Variants in TMEM178B observed in about 807,000 individuals in gnomAD.
The protein encoded by TMEM178B is transmembrane protein 178B.
Under a neutral mutation model 31.0 loss-of-function variants are expected in TMEM178B, and 5 were observed. The observed-to-expected ratio is 0.16, with a 90% confidence interval of 0.08 to 0.34. The LOEUF is 0.34. TMEM178B is among the 10% of genes least tolerant of loss of function. The probability of loss-of-function intolerance (pLI) is 1.00; values close to 1 mark genes in which losing one functional copy is unlikely to be tolerated. For missense variants in TMEM178B, 275 were observed against 400.3 expected, an observed-to-expected ratio of 0.69 and a Z score of 2.67; for synonymous variants, 164 against 164.0, an observed-to-expected ratio of 1.00 and a Z score of 0.00.
chr7:141,409,996 G>A (rs994840215), intron 2 of TMEM178B, among the ~76,000 whole-genome samples: 5 of 152,128 alleles, frequency 3.3e-5, no homozygotes, highest in Admixed American at 1.3e-4. Flanking sequence ...TCTTTGCTTA[G>A]CCCTGGGCTC....
chr7:141,338,880 C>T (rs1412640766), intron 2 of TMEM178B, among the ~76,000 whole-genome samples: 1 of 152,224 alleles, frequency 6.6e-6, no homozygotes, highest in Non-Finnish European at 1.5e-5. Context: ...TAAAAGCTTG[C>T]TCTAGGTATA....
intron 2 of TMEM178B, among the ~76,000 whole-genome samples, chr7:141,263,626 A>G (rs541066127): frequency 1.3e-5 from 2 of 152,234 alleles, no homozygotes; most frequent in African/African-American, 4.8e-5. Context: ...TTATGCTTTG[A>G]GGTTTGCCTT....
chr7:141,301,731 C>T (rs1798730101), intron 2 of TMEM178B, among the ~76,000 whole-genome samples: 2 of 152,174 alleles, frequency 1.3e-5, no homozygotes, highest in African/African-American at 4.8e-5. Context: ...TGTGTGGGAC[C>T]TGTGCGTGTT....
chr7:141,241,953 A>G (rs977532043), intron 2 of TMEM178B, among the ~76,000 whole-genome samples: 1 of 152,224 alleles, frequency 6.6e-6, no homozygotes, highest in Non-Finnish European at 1.5e-5. Flanking sequence ...CTTAAAACAC[A>G]TCTGAATTTG....
At chr7:141,121,807 G>A (rs1795411947) in intron 1 of TMEM178B, among the ~76,000 whole-genome samples, 1 of 152,148 alleles carries the variant, frequency 6.6e-6, no homozygotes, top group Admixed American at 6.5e-5. Flanking sequence ...GCTTTCCTTG[G>A]GTCTCTGGAG....
chr7:141,273,372 A>G (rs1342250474), intron 2 of TMEM178B, among the ~76,000 whole-genome samples: 2 of 152,230 alleles, frequency 1.3e-5, no homozygotes, highest in Non-Finnish European at 2.9e-5. Context: ...TACATGTATC[A>G]AATTATCACA....
At chr7:141,382,133 T>C (rs1402554626) in intron 2 of TMEM178B, among the ~76,000 whole-genome samples, 1 of 152,218 alleles carries the variant, frequency 6.6e-6, no homozygotes, top group Non-Finnish European at 1.5e-5. Flanking sequence ...CCTCCTATCA[T>C]CTGTTCTCCA....
chr7:141,291,926 ATTTT>A lies in TMEM178B; in HGVS notation c.496+79236_496+79239del, dbSNP rs11306682. On this transcript the variant is annotated intron_variant, in intron 2 of 3. Transcript: ENST00000565468. ...TGGTTTTGTGTATGTCATAGAGATC[ATTTT>A]TTTTTTTTTTTTTCAAATATCAAAG... Among the ~76,000 whole-genome samples the A allele has an allele frequency of 5.8e-3, 803 of 138,162 alleles. 10 individuals are homozygous for A. Among genetic ancestry groups the A allele is most frequent in the East Asian group, 0.054 (257 of 4,734 alleles). The allele number at this position is 138,162 out of a possible 152,430, so 90.6% of individuals were successfully genotyped here.
At chr7:141,150,976 C>T (rs558799737) in intron 1 of TMEM178B, among the ~76,000 whole-genome samples, 5 of 152,180 alleles carry the variant, frequency 3.3e-5, no homozygotes, top group Admixed American at 6.5e-5. Context: ...CAAAAGGTCA[C>T]GAAATAATAC....
At chr7:141,269,447 A>G (rs529464352) in intron 2 of TMEM178B, among the ~76,000 whole-genome samples, 23 of 152,268 alleles carry the variant, frequency 1.5e-4, no homozygotes, top group African/African-American at 5.5e-4. Context: ...TTCTTCAGTT[A>G]ATAATGTAAA....
intron 1 of TMEM178B, among the ~76,000 whole-genome samples, chr7:141,208,007 T>C (rs1796992787): frequency 6.6e-6 from 1 of 151,762 alleles, no homozygotes; most frequent in African/African-American, 2.4e-5. Flanking sequence ...CTGGGCAATA[T>C]AGTGAGACCC....
chr7:141,329,015 C>T (rs959580632), intron 2 of TMEM178B, among the ~76,000 whole-genome samples: 4 of 151,854 alleles, frequency 2.6e-5, no homozygotes, highest in African/African-American at 9.7e-5. Flanking sequence ...ATTAACATGT[C>T]CCCCCCAGTC....
chr7:141,124,376 T>A (rs77276165), intron 1 of TMEM178B, among the ~76,000 whole-genome samples: 1 of 151,584 alleles, frequency 6.6e-6, no homozygotes, highest in Admixed American at 6.6e-5. Context: ...AAAAAAAAAA[T>A]AGAAAAAAAA....
chr7:141,292,482 G>A (rs1335428573), intron 2 of TMEM178B, among the ~76,000 whole-genome samples: 1 of 152,092 alleles, frequency 6.6e-6, no homozygotes, highest in Non-Finnish European at 1.5e-5. Flanking sequence ...ATCTCCCTGG[G>A]CAAGAAAACA....
the TMEM178B span, among the ~76,000 whole-genome samples, chr7:141,503,681 T>C: frequency 6.6e-6 from 1 of 152,214 alleles, no homozygotes; most frequent in Non-Finnish European, 1.5e-5. Flanking sequence ...ACACCTATTA[T>C]GTGTCTCTGA....
chr7:141,133,675 A>G (rs1275066794), intron 1 of TMEM178B, among the ~76,000 whole-genome samples: 1 of 152,244 alleles, frequency 6.6e-6, no homozygotes, highest in African/African-American at 2.4e-5. Context: ...TTAACAAAAT[A>G]ATAGCTGAAA....
At chr7:141,101,224 C>A (rs534483044) in intron 1 of TMEM178B, among the ~76,000 whole-genome samples, 1 of 152,304 alleles carries the variant, frequency 6.6e-6, no homozygotes, top group South Asian at 2.1e-4. Context: ...TTGGGTTTGG[C>A]AGAAGTTACT....
At chr7:141,335,125 G>A (rs552794026) in intron 2 of TMEM178B, among the ~76,000 whole-genome samples, 1 of 152,202 alleles carries the variant, frequency 6.6e-6, no homozygotes, top group Non-Finnish European at 1.5e-5. Context: ...AGTTGCTCAG[G>A]TGGGGCAGCC....
At chr7:141,379,568 A>G (rs1800278677) in intron 2 of TMEM178B, among the ~76,000 whole-genome samples, 1 of 152,090 alleles carries the variant, frequency 6.6e-6, no homozygotes, top group Admixed American at 6.5e-5. Context: ...CTTCAAAACA[A>G]CTTGGTTTGT....
Sources: allele counts gnomAD v4.1 joint callset (sites outside exome capture counted in the v4.1 genomes callset), GRCh38; gene constraint gnomAD v4.1.1; transcripts MANE v1.5; gene names NCBI Gene and HGNC (gene_info 2026-07-23, HGNC 2026-07-21).